The following COQ8A variants were observed in gnomAD, a reference collection of about 807,000 sequenced individuals.
COQ8A encodes the protein atypical kinase COQ8A, mitochondrial.
Under a neutral mutation model 65.0 loss-of-function variants are expected in COQ8A, and 51 were observed. That is an observed-to-expected ratio of 0.78 (90% CI 0.63 to 0.99). The LOEUF (loss-of-function observed/expected upper bound fraction) is 0.99, where lower values mean the gene tolerates loss of function less well. COQ8A is among the 50% of genes least tolerant of loss of function. COQ8A has a pLI of 0.00. For missense variants in COQ8A, 940 were observed against 875.0 expected (o/e 1.07, Z -0.94); for synonymous variants, 371 against 353.2 (o/e 1.05, Z -0.57).
chr1:226,949,283 A>G lies in COQ8A; in HGVS notation c.-10+8884A>G, dbSNP rs1348474015. On this transcript the variant is annotated intron_variant, in intron 1 of 14. Transcript: ENST00000366777. This position sits in a 1 kb window ranked among gnomAD's most constrained non-coding sequence, Gnocchi z 4.0. ...GGGTTTTATATATATGTCTACATAC[A>G]TGTCTACAGGTAGAGGAGCCATTTG... Among the ~76,000 whole-genome samples the G allele has an allele frequency of 6.6e-6, 1 of 151,968 alleles. No individual in the cohort carries two copies. The highest frequency in any genetic ancestry group is 6.6e-5 in the Admixed American group (1 of 15,260).
intron 1 of COQ8A, among the ~76,000 whole-genome samples, chr1:226,952,844 C>T (rs1316600848): frequency 1.3e-5 from 2 of 152,086 alleles, no homozygotes; most frequent in African/African-American, 4.8e-5. Flanking sequence ...AAAGATTTGT[C>T]TTCCCACCAC....
intron 1 of COQ8A, among the ~76,000 whole-genome samples, chr1:226,942,825 C>A (rs1656784912): frequency 6.6e-6 from 1 of 152,118 alleles, no homozygotes; most frequent in African/African-American, 2.4e-5. Flanking sequence ...GCCTGCTCAC[C>A]AAAGAGACAT....
At chr1:226,984,427 A>C (rs1558208831) in intron 11 of COQ8A, 121 bp from the exon 12 acceptor site, 1 of 1,264,110 alleles carries the variant, frequency 7.9e-7, no homozygotes, top group South Asian at 1.2e-5. Flanking sequence ...TAACACTGGG[A>C]ATCAAACAGT....
chr1:226,941,740 A>T (rs1286986422), intron 1 of COQ8A, among the ~76,000 whole-genome samples: 2 of 147,050 alleles, frequency 1.4e-5, no homozygotes, highest in Non-Finnish European at 3.0e-5. Context: ...GCGCCAGTGC[A>T]CTCCCCTCTG....
Position 226,961,491 on chromosome 1 carries a change from C to G in COQ8A, c.106C>G (p.Leu36Val), listed in dbSNP as rs774811481. The G allele has an allele frequency of 6.2e-7, 1 of 1,613,938 alleles. No individual in the cohort carries two copies. The highest frequency in any genetic ancestry group is 1.3e-5 in the African/African-American group (1 of 75,074). ...GCAGCACTTGGGCATCGGAGGGGAG[C>G]TGATCATGGCGGCCAGGGCCCTGCA... ...HLQHLGIGGELIMAARALQST... is the reference protein window; with the variant it reads ...HLQHLGIGGEVIMAARALQST... Residue 36 changes from leucine to valine, a missense_variant, in exon 2 of 15, where the codon CTG becomes GTG. Transcript: ENST00000366777.
Position 226,982,953 on chromosome 1 carries a change from G to A in COQ8A, c.999G>A (p.Glu333=). The change falls in exon 8 of 15, where the codon GAG becomes GAA. Residue 333 remains glutamate (E), a synonymous_variant. Transcript: ENST00000366777. ...NWRDKLEYFE[E]RPFAAASIGQ... is the part of the protein sequence containing the mutation. Reference sequence around the variant, plus strand: ...GGGACAAGTTGGAATACTTCGAGGAGCGGCCCTTCGCCGCCGCATCCATTG... The same window carrying A: ...GGGACAAGTTGGAATACTTCGAGGAACGGCCCTTCGCCGCCGCATCCATTG... 6.2e-7 allele frequency: 1 copy of A among 1,607,750 alleles called. No individual in the cohort carries two copies. Among genetic ancestry groups the A allele is most frequent in the African/African-American group, 1.3e-5 (1 of 74,932 alleles).
At chr1:226,947,775 C>G (rs1367922300) in intron 1 of COQ8A, among the ~76,000 whole-genome samples, 1 of 149,336 alleles carries the variant, frequency 6.7e-6, no homozygotes, top group Non-Finnish European at 1.5e-5. Context: ...CCAACCTAGG[C>G]AACAGTAAGA....
At position 226,986,516 on chromosome 1, in the gene COQ8A, C is replaced by T. The variant is rs1260803772; in HGVS notation, c.1723C>T (p.Pro575Ser). Reference protein sequence around the residue: ...ILGEAFASDEPFDFGTQSTTE... With the variant: ...ILGEAFASDESFDFGTQSTTE... ...GGGGGAGGCCTTCGCCTCTGATGAG[C>T]CTTTTGATTTTGGCACTCAGAGCAC... is the stretch of plus-strand genomic sequence containing the variant. Residue 575 changes from proline to serine, a missense_variant, in exon 15 of 15, where the codon CCT (proline) becomes TCT (serine). Transcript: ENST00000366777. The T allele has an allele frequency of 2.5e-6, 4 of 1,613,786 alleles. No individual in the cohort carries two copies. In the South Asian group the frequency reaches 3.3e-5, roughly 13 times the overall value.
intron 2 of COQ8A, among the ~76,000 whole-genome samples, chr1:226,963,516 A>T (rs1440210924): frequency 6.6e-6 from 1 of 152,176 alleles, no homozygotes; most frequent in African/African-American, 2.4e-5. Context: ...CATGGGAGTG[A>T]TGGGGCAGAA....
chr1:226,966,048 C>T (rs1231711692), intron 4 of COQ8A, among the ~76,000 whole-genome samples: 2 of 152,270 alleles, frequency 1.3e-5, no homozygotes, highest in African/African-American at 4.8e-5. Context: ...TGTTTCACCC[C>T]TGCCTCAGGT....
At chr1:226,945,648 T>C (rs768885053) in intron 1 of COQ8A, among the ~76,000 whole-genome samples, 1 of 152,240 alleles carries the variant, frequency 6.6e-6, no homozygotes, top group Non-Finnish European at 1.5e-5. Flanking sequence ...GGTTGGACAT[T>C]GTGCTGCCGC....
intron 1 of COQ8A, among the ~76,000 whole-genome samples, chr1:226,952,869 C>T (rs909078515): frequency 2.6e-5 from 4 of 152,054 alleles, no homozygotes; most frequent in East Asian, 1.9e-4. Context: ...TGAAAAGCAA[C>T]GTTCCTGTTT....
intron 1 of COQ8A, among the ~76,000 whole-genome samples, chr1:226,956,040 T>A (rs1657719786): frequency 1.5e-5 from 2 of 135,092 alleles, no homozygotes; most frequent in Non-Finnish European, 3.1e-5. Flanking sequence ...ACACTCTCCC[T>A]GGCTCTCACT....
intron 1 of COQ8A, among the ~76,000 whole-genome samples, chr1:226,954,139 T>G (rs1218997520): frequency 1.3e-5 from 2 of 152,266 alleles, no homozygotes; most frequent in African/African-American, 2.4e-5. Context: ...CAAAGCATCC[T>G]TGAATTGACA....
rs768583974 is a variant in COQ8A, at chr1:226,982,653, C to G, written c.854-25C>G. 18 of 1,611,536 alleles carry G rather than the reference C, an allele frequency of 1.1e-5. No individual in the cohort carries two copies. In the East Asian group the frequency reaches 3.8e-4, roughly 34 times the overall value. ...CGCACACTTTAATCCCCAGGTTCGCCCTGTGTCATTCTCCTGCCTTCCAGA... is the reference window on the plus strand; with the variant it reads ...CGCACACTTTAATCCCCAGGTTCGCGCTGTGTCATTCTCCTGCCTTCCAGA... On this transcript the variant is annotated intron_variant, in intron 6 of 14. Coordinates refer to ENST00000366777, the MANE Select transcript of COQ8A (RefSeq NM_020247.5).
At chr1:226,957,094 A>G (rs1404677823) in intron 1 of COQ8A, among the ~76,000 whole-genome samples, 1 of 131,438 alleles carries the variant, frequency 7.6e-6, no homozygotes, top group Non-Finnish European at 1.6e-5. Flanking sequence ...TCCCTGGTTC[A>G]CACTCTCCCT....
At chr1:226,982,450 T>C (rs1659756413) in intron 6 of COQ8A, 4 of 649,382 alleles carry the variant, frequency 6.2e-6, no homozygotes, top group Admixed American at 2.8e-5. Flanking sequence ...AAACTCTGCA[T>C]GTTGAGTGTA....
At chr1:226,954,628 A>G (rs930162366) in intron 1 of COQ8A, among the ~76,000 whole-genome samples, 7 of 152,236 alleles carry the variant, frequency 4.6e-5, no homozygotes, top group African/African-American at 1.4e-4. Flanking sequence ...CTGTATGTGG[A>G]GTAAAAGTTG....
At chr1:226,969,053 G>C (rs898729800) in intron 4 of COQ8A, among the ~76,000 whole-genome samples, 1 of 152,088 alleles carries the variant, frequency 6.6e-6, no homozygotes, top group African/African-American at 2.4e-5. Context: ...TTCCAAATGG[G>C]AATATTTTGG....
Sources: allele counts gnomAD v4.1 joint callset (sites outside exome capture counted in the v4.1 genomes callset), GRCh38; gene constraint gnomAD v4.1.1; non-coding constraint Gnocchi (gnomAD v3.1); transcripts MANE v1.5; gene names NCBI Gene and HGNC (gene_info 2026-07-23, HGNC 2026-07-21).